The following DNAH7 variants were observed in gnomAD, a reference collection of about 807,000 sequenced individuals.
The protein encoded by DNAH7 is axonemal beta dynein heavy chain 7.
Under a neutral mutation model 444.6 loss-of-function variants are expected in DNAH7, and 397 were observed. The observed-to-expected ratio is 0.89, with a 90% CI of 0.82 to 0.97. DNAH7 has a LOEUF of 0.97. Among genes scored for constraint, DNAH7 ranks in the 50% least tolerant of loss-of-function variants. The probability of loss-of-function intolerance (pLI) is 0.00; values close to 1 mark genes in which losing one functional copy is unlikely to be tolerated. For missense variants in DNAH7, 4,902 were observed against 4,800.8 expected, an observed-to-expected ratio of 1.02 and a Z score of -0.62; for synonymous variants, 1,636 against 1,624.4, an observed-to-expected ratio of 1.01 and a Z score of -0.17.
intron 51 of DNAH7, among the ~76,000 whole-genome samples, chr2:195,810,190 G>T (rs1696898697): frequency 6.6e-6 from 1 of 151,802 alleles, no homozygotes; most frequent in African/African-American, 2.4e-5. Flanking sequence ...GCATTTCTGG[G>T]GGTAAAATTT....
chr2:195,904,062 C>A (rs958866342), intron 27 of DNAH7: 2 of 152,202 alleles, frequency 1.3e-5, no homozygotes, highest in Non-Finnish European at 2.9e-5. Flanking sequence ...AGTGAGAGCT[C>A]TCCAACAGTG....
At chr2:195,934,174 A>G (rs894627488) in intron 21 of DNAH7, among the ~76,000 whole-genome samples, 4 of 152,238 alleles carry the variant, frequency 2.6e-5, no homozygotes, top group Non-Finnish European at 5.9e-5. Context: ...ATTATTTTCT[A>G]ACATTTTGTA....
chr2:195,971,143 A>G (rs1415677274), intron 16 of DNAH7, among the ~76,000 whole-genome samples: 1 of 152,244 alleles, frequency 6.6e-6, no homozygotes, highest in East Asian at 1.9e-4. Context: ...TTATTCTCCA[A>G]ACAACATATT....
intron 58 of DNAH7, among the ~76,000 whole-genome samples, 165 bp from the exon 59 acceptor site, chr2:195,778,150 G>T (rs575943780): frequency 1.3e-5 from 2 of 152,210 alleles, no homozygotes; most frequent in South Asian, 2.1e-4. Context: ...TCCCAGGGCC[G>T]TTCACTTCTT....
intron 15 of DNAH7, 31 bp downstream of exon 15, chr2:195,984,601 C>A (rs1692786895): frequency 6.4e-7 from 1 of 1,571,660 alleles, no homozygotes; most frequent in East Asian, 2.2e-5. Context: ...AATTGATACA[C>A]ACACAATTAT....
intron 48 of DNAH7, among the ~76,000 whole-genome samples, chr2:195,833,491 G>C (rs1195264248): frequency 6.6e-6 from 1 of 152,130 alleles, no homozygotes; most frequent in Non-Finnish European, 1.5e-5. Context: ...CACTGTCCTG[G>C]AGCTAAATAG....
In DNAH7 at chr2:195,756,208, C is replaced by T. The variant is rs762719629; in HGVS notation, c.11511G>A (p.Met3837Ile). The change falls in exon 62 of 65, where the codon ATG becomes ATA. Residue 3837 changes from methionine (M) to isoleucine (I), a missense_variant. By Grantham distance (10) the Met-to-Ile change is conservative (BLOSUM62 1). Coordinates refer to ENST00000312428, the MANE Select transcript of DNAH7 (RefSeq NM_018897.3). ...GTTTAAGGCTTGGGTAGGATTTACC[C>T]ATCCACATTTCTGGAATTTTGACAT... ...ILNVKIPEMWMGKSYPSLKPL... is the reference protein window; with the variant it reads ...ILNVKIPEMWIGKSYPSLKPL... The T allele has an allele frequency of 1.2e-6, 2 of 1,613,640 alleles. No homozygotes were observed. The highest frequency in any genetic ancestry group is 1.7e-6 in the Non-Finnish European group (2 of 1,179,684).
intron 61 of DNAH7, 77 bp from the exon 62 acceptor site, chr2:195,756,362 CCTT>C: frequency 2.4e-6 from 3 of 1,230,878 alleles, no homozygotes; most frequent in Non-Finnish European, 3.3e-6. Context: ...TTAAATACCT[CCTT>C]CATGATTATC....
intron 48 of DNAH7, among the ~76,000 whole-genome samples, chr2:195,831,106 G>GT (rs141782175): frequency 7.5e-4 from 111 of 148,088 alleles, no homozygotes; most frequent in Non-Finnish European, 9.9e-4. Context: ...TTGATACAAA[G>GT]TTTTTTTTTT....
At chr2:195,821,771 C>T (rs1261181212) in intron 49 of DNAH7, among the ~76,000 whole-genome samples, 1 of 152,200 alleles carries the variant, frequency 6.6e-6, no homozygotes, top group African/African-American at 2.4e-5. Flanking sequence ...TTGCTTTAGC[C>T]TCCACATCTC....
chr2:195,881,743 A>G, intron 36 of DNAH7, 52 bp downstream of exon 36: 1 of 1,518,676 alleles, frequency 6.6e-7, no homozygotes, highest in East Asian at 2.3e-5. Flanking sequence ...TTTCAAAAAC[A>G]TTCTTAGGAA....
chr2:196,045,089 A>AAGAAGG (rs1697015519), intron 5 of DNAH7, among the ~76,000 whole-genome samples: 2 of 150,924 alleles, frequency 1.3e-5, no homozygotes, highest in South Asian at 4.2e-4. Context: ...GAGAGAAGAA[A>AAGAAGG]AGAAGGAGAA....
At chr2:195,817,864 T>C in intron 49 of DNAH7, 35 bp from the exon 50 acceptor site, 1 of 1,475,224 alleles carries the variant, frequency 6.8e-7, no homozygotes, top group African/African-American at 1.4e-5. Context: ...ATTACATCAT[T>C]ATTTCTGTTA....
intron 61 of DNAH7, among the ~76,000 whole-genome samples, chr2:195,770,187 A>C (rs1042476794): frequency 6.6e-6 from 1 of 152,180 alleles, no homozygotes; most frequent in Non-Finnish European, 1.5e-5. Context: ...AGACCAGTTC[A>C]GCTGGATTTC....
intron 9 of DNAH7, among the ~76,000 whole-genome samples, chr2:196,014,339 C>G (rs1038892415): frequency 2.0e-5 from 3 of 152,138 alleles, no homozygotes; most frequent in Non-Finnish European, 4.4e-5. Flanking sequence ...GATGATGAGT[C>G]TTCTAATCAC....
chr2:195,996,681 CT>C (rs1200453546), intron 12 of DNAH7, among the ~76,000 whole-genome samples: 1 of 152,180 alleles, frequency 6.6e-6, no homozygotes, highest in Non-Finnish European at 1.5e-5. Flanking sequence ...CCGCCTCGCC[CT>C]CCCAAAGTGC....
intron 46 of DNAH7, among the ~76,000 whole-genome samples, chr2:195,852,915 C>CACAGAGAG (rs1553537158): frequency 1.2e-5 from 1 of 84,584 alleles, no homozygotes; most frequent in African/African-American, 3.2e-5. Flanking sequence ...CACACACACA[C>CACAGAGAG]AGAGAGAGAG....
chr2:195,821,975 C>T (rs1372372644), intron 49 of DNAH7, among the ~76,000 whole-genome samples: 1 of 152,226 alleles, frequency 6.6e-6, no homozygotes, highest in Admixed American at 6.5e-5. Context: ...CACACCTAGG[C>T]ACCTCCTCAG....
At chr2:195,981,187 C>T (rs146776097) in intron 15 of DNAH7, among the ~76,000 whole-genome samples, 64 of 152,116 alleles carry the variant, frequency 4.2e-4, no homozygotes, top group African/African-American at 1.5e-3. Context: ...TTTACATTTA[C>T]GTATGCCAAA....
Sources: allele counts gnomAD v4.1 joint callset (sites outside exome capture counted in the v4.1 genomes callset), GRCh38; gene constraint gnomAD v4.1.1; transcripts MANE v1.5; gene names NCBI Gene and HGNC (gene_info 2026-07-23, HGNC 2026-07-21).